The following ADAMTS19 variants were observed in gnomAD, a reference collection of about 807,000 sequenced individuals.
The protein encoded by ADAMTS19 is ADAM metallopeptidase with thrombospondin type 1 motif 19.
A neutral mutation model predicts 153.3 loss-of-function variants in ADAMTS19; 93 were observed. That is an observed-to-expected ratio of 0.61 (90% CI 0.51 to 0.72). The LOEUF (loss-of-function observed/expected upper bound fraction) is 0.72. Ranked by LOEUF, ADAMTS19 falls within the 30% of genes least tolerant of loss-of-function variation. ADAMTS19 has a pLI of 0.00. For missense variants in ADAMTS19, 1,482 were observed against 1,552.1 expected, an observed-to-expected ratio of 0.95 and a Z score of 0.76; for synonymous variants, 600 against 556.6, an observed-to-expected ratio of 1.08 and a Z score of -1.10.
intron 8 of ADAMTS19, among the ~76,000 whole-genome samples, chr5:129,608,086 ATATATG>A (rs1189810928): frequency 1.7e-5 from 1 of 57,236 alleles, no homozygotes; most frequent in Non-Finnish European, 3.3e-5. Flanking sequence ...GGAATTTTAT[ATATATG>A]TGTGTGTGTG....
chr5:129,549,958 ATG>A (rs1387991628), intron 6 of ADAMTS19, among the ~76,000 whole-genome samples: 1 of 135,206 alleles, frequency 7.4e-6, no homozygotes, highest in African/African-American at 2.8e-5. Flanking sequence ...CTGTATATGT[ATG>A]TATCTAGATA....
At chr5:129,597,074 C>T (rs762188219) in intron 8 of ADAMTS19, among the ~76,000 whole-genome samples, 26 of 151,928 alleles carry the variant, frequency 1.7e-4, no homozygotes, top group East Asian at 3.9e-4. Context: ...GGAATTAACC[C>T]GCATGGTTTA....
intron 20 of ADAMTS19, among the ~76,000 whole-genome samples, chr5:129,703,845 C>T (rs561607503): frequency 5.3e-5 from 8 of 152,238 alleles, no homozygotes; most frequent in African/African-American, 1.9e-4. Flanking sequence ...ACAAACATGT[C>T]TTCCATCTAA....
At chr5:129,513,896 T>G (rs1022168427) in intron 3 of ADAMTS19, among the ~76,000 whole-genome samples, 1 of 152,070 alleles carries the variant, frequency 6.6e-6, no homozygotes, top group Non-Finnish European at 1.5e-5. Flanking sequence ...TTTTTCTAAC[T>G]TTTTTGTACC....
chr5:129,531,929 A>G (rs2126776174), intron 6 of ADAMTS19, among the ~76,000 whole-genome samples: 1 of 152,312 alleles, frequency 6.6e-6, no homozygotes, highest in East Asian at 1.9e-4. Flanking sequence ...ATGGTATTAG[A>G]ATACATCAAA....
intron 10 of ADAMTS19, among the ~76,000 whole-genome samples, chr5:129,627,555 T>C (rs1412428759): frequency 2.0e-5 from 3 of 151,428 alleles, no homozygotes; most frequent in South Asian, 2.1e-4. Flanking sequence ...AAACCATCAA[T>C]AGAGTAAAGA....
At chr5:129,674,353 C>T (rs761354710) in intron 16 of ADAMTS19, among the ~76,000 whole-genome samples, 35 of 151,764 alleles carry the variant, frequency 2.3e-4, no homozygotes, top group Non-Finnish European at 4.0e-4. Flanking sequence ...TGAGATTTTT[C>T]GTTTTCTTTA....
chr5:129,711,590 T>C (rs1756474099), intron 21 of ADAMTS19, among the ~76,000 whole-genome samples: 1 of 151,958 alleles, frequency 6.6e-6, no homozygotes, highest in African/African-American at 2.4e-5. Flanking sequence ...GGCAGAAAAT[T>C]GCTTGAACCC....
chr5:129,495,868 G>A (rs996079404), intron 2 of ADAMTS19, among the ~76,000 whole-genome samples: 2 of 152,082 alleles, frequency 1.3e-5, no homozygotes, highest in East Asian at 3.9e-4. Context: ...AGCTCTTTAG[G>A]TGTATGATCT....
chr5:129,625,658 G>A (rs10054148), intron 10 of ADAMTS19, among the ~76,000 whole-genome samples: 1 of 151,934 alleles, frequency 6.6e-6, no homozygotes, highest in Non-Finnish European at 1.5e-5. Flanking sequence ...AAAGTGTCTG[G>A]TCATATCCTT....
At chr5:129,495,588 A>G (rs1274584305) in intron 2 of ADAMTS19, among the ~76,000 whole-genome samples, 1 of 152,088 alleles carries the variant, frequency 6.6e-6, no homozygotes, top group Non-Finnish European at 1.5e-5. Flanking sequence ...TCTAGTAGAG[A>G]GTTGAATTGC....
At chr5:129,639,487 C>T (rs766799515) in intron 10 of ADAMTS19, among the ~76,000 whole-genome samples, 6 of 152,104 alleles carry the variant, frequency 3.9e-5, no homozygotes, top group Admixed American at 2.0e-4. Flanking sequence ...TTTTATTCTA[C>T]GTGACCATGC....
At chr5:129,518,320 A>G (rs1029641220) in intron 3 of ADAMTS19, among the ~76,000 whole-genome samples, 1 of 151,948 alleles carries the variant, frequency 6.6e-6, no homozygotes, top group Non-Finnish European at 1.5e-5. Flanking sequence ...ATTATGTATT[A>G]CTCATTAATG....
intron 6 of ADAMTS19, among the ~76,000 whole-genome samples, chr5:129,551,247 A>G (rs1050341006): frequency 6.6e-6 from 1 of 151,716 alleles, no homozygotes; most frequent in Admixed American, 6.6e-5. Flanking sequence ...ATTTTGCTCT[A>G]TGAAATCCTG....
chr5:129,532,003 T>G (rs1752224801), intron 6 of ADAMTS19, among the ~76,000 whole-genome samples: 4 of 152,118 alleles, frequency 2.6e-5, no homozygotes, highest in Admixed American at 2.6e-4. Flanking sequence ...ATTTAACATG[T>G]GTAAAATTAA....
chr5:129,730,512 A>G (rs1757392556), intron 21 of ADAMTS19, among the ~76,000 whole-genome samples: 1 of 152,178 alleles, frequency 6.6e-6, no homozygotes, highest in Non-Finnish European at 1.5e-5. Flanking sequence ...ATTATTGAAC[A>G]TGACATACAA....
intron 3 of ADAMTS19, among the ~76,000 whole-genome samples, chr5:129,526,059 G>A (rs986922233): frequency 6.6e-6 from 1 of 151,966 alleles, no homozygotes; most frequent in African/African-American, 2.4e-5. Flanking sequence ...TTGCAGATAA[G>A]GAAACTCAGG....
chr5:129,514,970 G>T (rs779817922), intron 3 of ADAMTS19, among the ~76,000 whole-genome samples: 1 of 152,054 alleles, frequency 6.6e-6, no homozygotes, highest in Non-Finnish European at 1.5e-5. Flanking sequence ...TTTGTATATG[G>T]TGAGAGATAG....
chr5:129,559,593 G>T (rs528810808), intron 7 of ADAMTS19, among the ~76,000 whole-genome samples: 1 of 152,002 alleles, frequency 6.6e-6, no homozygotes, highest in Non-Finnish European at 1.5e-5. Context: ...AACTTTGGGC[G>T]GTATTTAGTA....
Sources: gnomAD v4.1 joint callset for allele counts (sites outside exome capture counted in the v4.1 genomes callset) on GRCh38, gnomAD v4.1.1 for gene constraint, MANE v1.5 for transcripts, NCBI Gene and HGNC (gene_info 2026-07-23, HGNC 2026-07-21) for gene names.